Variants in DCC observed in about 807,000 individuals in gnomAD.
DCC encodes the protein netrin receptor DCC.
A neutral mutation model predicts 172.5 loss-of-function variants in DCC; 58 were observed. The observed-to-expected ratio is 0.34, with a 90% CI of 0.27 to 0.42. DCC has a LOEUF of 0.42. Among genes scored for constraint, DCC ranks in the 10% least tolerant of loss-of-function variants. The pLI, the probability that DCC is intolerant of heterozygous loss-of-function variation, is 1.00. For synonymous variants in DCC, 709 were observed against 644.5 expected (o/e 1.10, Z -1.52); for missense variants, 1,740 against 1,791.0 (o/e 0.97, Z 0.51).
At chr18:53,481,423 C>T (rs1336420544) in intron 25 of DCC, among the ~76,000 whole-genome samples, 2 of 152,188 alleles carry the variant, frequency 1.3e-5, no homozygotes, top group African/African-American at 4.8e-5. Context: ...AAGCGACCCT[C>T]TATGGAGTTT....
intron 21 of DCC, among the ~76,000 whole-genome samples, chr18:53,417,823 A>T (rs1010321551): frequency 2.6e-5 from 4 of 152,090 alleles, no homozygotes; most frequent in African/African-American, 4.8e-5. Context: ...AATTGCTTTT[A>T]GTTTTTTAAG....
At chr18:53,321,334 T>A (rs1165643191) in intron 13 of DCC, among the ~76,000 whole-genome samples, 1 of 152,170 alleles carries the variant, frequency 6.6e-6, no homozygotes, top group African/African-American at 2.4e-5. Context: ...ATTTATCATG[T>A]TAATGAGCTA....
intron 17 of DCC, among the ~76,000 whole-genome samples, chr18:53,394,915 G>T (rs1308117564): frequency 6.6e-6 from 1 of 151,858 alleles, no homozygotes; most frequent in Admixed American, 6.6e-5. Flanking sequence ...GCCGAGGCGG[G>T]TGGATCGCCT....
intron 2 of DCC, among the ~76,000 whole-genome samples, chr18:52,795,987 A>G (rs983601355): frequency 2.0e-5 from 3 of 151,202 alleles, no homozygotes; most frequent in African/African-American, 7.3e-5. Context: ...CCTCCTGCTA[A>G]TATGATTTAT....
chr18:52,902,352 C>T (rs905225246), intron 2 of DCC, among the ~76,000 whole-genome samples: 20 of 152,094 alleles, frequency 1.3e-4, no homozygotes, highest in African/African-American at 4.1e-4. Context: ...GGAATGCATT[C>T]GAGTGAGGAA....
At chr18:53,285,102 AT>A (rs1327543163) in intron 12 of DCC, among the ~76,000 whole-genome samples, 1 of 152,072 alleles carries the variant, frequency 6.6e-6, no homozygotes, top group Non-Finnish European at 1.5e-5. Context: ...CAGCCTGACA[AT>A]TTGATGGAAA....
At chr18:52,588,835 G>A (rs1197806494) in intron 1 of DCC, among the ~76,000 whole-genome samples, 2 of 151,932 alleles carry the variant, frequency 1.3e-5, no homozygotes, top group East Asian at 3.9e-4. Flanking sequence ...AGCCATTAAA[G>A]AGCTTTATAC....
intron 7 of DCC, among the ~76,000 whole-genome samples, chr18:53,093,902 G>A (rs1273199013): frequency 6.6e-6 from 1 of 152,144 alleles, no homozygotes; most frequent in Non-Finnish European, 1.5e-5. Flanking sequence ...AGATGAAAGA[G>A]TCTGCTTAAC....
chr18:53,481,420 C>T (rs1001080945), intron 25 of DCC, among the ~76,000 whole-genome samples: 2 of 152,104 alleles, frequency 1.3e-5, no homozygotes, highest in East Asian at 3.8e-4. Context: ...CAAAAGCGAC[C>T]CTCTATGGAG....
In DCC at chr18:53,258,329, G is replaced by C. The variant is rs553123150; in HGVS notation, c.1911+42732G>C. Among the ~76,000 whole-genome samples the C allele has an allele frequency of 2.0e-3, 299 of 152,042 alleles. 1 individual carries two copies. Among genetic ancestry groups the C allele is most frequent in the Non-Finnish European group, 2.4e-3 (160 of 67,984 alleles). On this transcript the variant is annotated intron_variant, in intron 12 of 28. Coordinates refer to ENST00000442544, the MANE Select transcript of DCC (RefSeq NM_005215.4). ...AGGGTGTCAATTTTAGATATTTTCT[G>C]CTTTCTCTGGTGGGCATTTAGTGCT...
intron 1 of DCC, among the ~76,000 whole-genome samples, chr18:52,455,196 GTT>G (rs1988422163): frequency 6.6e-6 from 1 of 151,998 alleles, no homozygotes; most frequent in Non-Finnish European, 1.5e-5. Context: ...TAATTTATTT[GTT>G]TTGTTTTCAA....
At chr18:52,580,610 G>T (rs2033523339) in intron 1 of DCC, among the ~76,000 whole-genome samples, 1 of 152,142 alleles carries the variant, frequency 6.6e-6, no homozygotes, top group Non-Finnish European at 1.5e-5. Flanking sequence ...TGGTCACTTG[G>T]AAATGAAAGA....
At chr18:52,633,123 T>TTCCTGTCCTG (rs373353322) in intron 1 of DCC, among the ~76,000 whole-genome samples, 69 of 128,924 alleles carry the variant, frequency 5.4e-4, no homozygotes, top group African/African-American at 1.7e-3. Context: ...TTCCTTTCCT[T>TTCCTGTCCTG]TCCTGTCCTG....
At chr18:52,350,307 G>T (rs1415929798) in intron 1 of DCC, among the ~76,000 whole-genome samples, 1 of 152,178 alleles carries the variant, frequency 6.6e-6, no homozygotes, top group African/African-American at 2.4e-5. Flanking sequence ...TGTGGTTTTT[G>T]TCATTGGTTC....
At chr18:52,978,236 A>C (rs538190079) in intron 5 of DCC, among the ~76,000 whole-genome samples, 34 of 152,296 alleles carry the variant, frequency 2.2e-4, no homozygotes, top group African/African-American at 8.2e-4. Context: ...ACAGTGGAAA[A>C]TTGCTGGAAG....
intron 5 of DCC, among the ~76,000 whole-genome samples, chr18:53,049,422 G>T (rs974774701): frequency 3.3e-5 from 5 of 151,980 alleles, no homozygotes; most frequent in African/African-American, 9.7e-5. Flanking sequence ...GTTATTCCAG[G>T]ACCATTTATT....
At chr18:53,278,856 T>C (rs79847361) in intron 12 of DCC, among the ~76,000 whole-genome samples, 7,067 of 152,200 alleles carry the variant, frequency 0.046, 570 homozygotes, top group African/African-American at 0.16. Flanking sequence ...GAGAGGTAAA[T>C]GGCATGCACC....
chr18:52,831,127 G>A (rs1301119893), intron 2 of DCC, among the ~76,000 whole-genome samples: 1 of 152,138 alleles, frequency 6.6e-6, no homozygotes, highest in Non-Finnish European at 1.5e-5. Context: ...ATTTCAGGCA[G>A]AGGAAACAAG....
intron 13 of DCC, among the ~76,000 whole-genome samples, chr18:53,308,284 C>T (rs1425135760): frequency 6.6e-6 from 1 of 151,288 alleles, no homozygotes; most frequent in Non-Finnish European, 1.5e-5. Flanking sequence ...TAAGCAAATA[C>T]CCCAGTTTTA....
Sources: allele counts gnomAD v4.1 joint callset (sites outside exome capture counted in the v4.1 genomes callset), GRCh38; gene constraint gnomAD v4.1.1; transcripts MANE v1.5; gene names NCBI Gene and HGNC (gene_info 2026-07-23, HGNC 2026-07-21).